Variants in ETNK1 observed in about 807,000 individuals in gnomAD.
ETNK1 encodes the protein ethanolamine kinase 1.
In ETNK1, 8 loss-of-function variants were observed where a neutral mutation model predicts 45.1. The observed-to-expected ratio is 0.18, with a 90% CI of 0.10 to 0.32. The LOEUF (loss-of-function observed/expected upper bound fraction) is 0.32, where lower values mean the gene tolerates loss of function less well. Ranked by LOEUF, ETNK1 falls within the 10% of genes least tolerant of loss-of-function variation. ETNK1 has a pLI of 1.00. For missense variants in ETNK1, 302 were observed against 430.6 expected (o/e 0.70, Z 2.64); for synonymous variants, 152 against 151.9 (o/e 1.00, Z -0.01).
At chr12:22,654,425 A>C (rs1454672079) in intron 2 of ETNK1, among the ~76,000 whole-genome samples, 3 of 152,222 alleles carry the variant, frequency 2.0e-5, no homozygotes, top group Non-Finnish European at 2.9e-5. Context: ...TTGTATAAGA[A>C]AACATTACTT....
chr12:22,642,303 A>G (rs148194708), intron 1 of ETNK1, among the ~76,000 whole-genome samples: 449 of 152,218 alleles, frequency 2.9e-3, no homozygotes, highest in South Asian at 7.9e-3. Context: ...GTGATAAGAA[A>G]TAACATGTTT....
rs1353192559 is a variant in ETNK1, at chr12:22,688,962, C to G, written c.*4008C>G. 1 of 151,764 alleles carries G rather than the reference C, an allele frequency of 6.6e-6. No homozygotes were observed. Among genetic ancestry groups the G allele is most frequent in the Non-Finnish European group, 1.5e-5 (1 of 67,768 alleles). 9.4% of individuals were successfully genotyped at this position (151,764 alleles called of 1,614,324 possible). A position where few individuals can be genotyped will look rare whatever the true frequency, so the allele number is the denominator to read the frequency against. Reference sequence around the variant, plus strand: ...CACTTGTGTGATTCCAGTGTCATGTCTTGGGTTTGATGTCGTTGGACAGAA... The same window carrying G: ...CACTTGTGTGATTCCAGTGTCATGTGTTGGGTTTGATGTCGTTGGACAGAA... On this transcript the variant is annotated 3_prime_UTR_variant, in exon 8 of 8. Transcript: ENST00000266517.
chr12:22,672,286 C>G (rs556728919), intron 5 of ETNK1, among the ~76,000 whole-genome samples: 1 of 152,104 alleles, frequency 6.6e-6, no homozygotes, highest in South Asian at 2.1e-4. Context: ...ACACGAAATG[C>G]TCTAAAAACT....
chr12:22,660,894 A>T (rs1302171913), intron 3 of ETNK1, among the ~76,000 whole-genome samples, 169 bp from the exon 4 acceptor site: 1 of 152,130 alleles, frequency 6.6e-6, no homozygotes, highest in Admixed American at 6.5e-5. Context: ...TAAACTTACT[A>T]TATAGGTTTT....
At chr12:22,667,550 A>G (rs958189030) in intron 4 of ETNK1, among the ~76,000 whole-genome samples, 1 of 152,176 alleles carries the variant, frequency 6.6e-6, no homozygotes, top group Non-Finnish European at 1.5e-5. Flanking sequence ...ACCAGCGTGA[A>G]GATTAAAGGG....
intron 3 of ETNK1, among the ~76,000 whole-genome samples, chr12:22,660,439 G>A (rs191975416): frequency 2.3e-4 from 35 of 152,140 alleles, no homozygotes; most frequent in East Asian, 7.7e-4. Flanking sequence ...ACAAAAAGTC[G>A]CGATTTCTAG....
At chr12:22,653,760 C>G (rs543574718) in intron 2 of ETNK1, among the ~76,000 whole-genome samples, 2 of 152,032 alleles carry the variant, frequency 1.3e-5, no homozygotes, top group African/African-American at 4.8e-5. Flanking sequence ...TAAAATCATT[C>G]TTTACAAATT....
intron 4 of ETNK1, among the ~76,000 whole-genome samples, chr12:22,668,864 T>C (rs1390209792): frequency 6.6e-6 from 1 of 152,238 alleles, no homozygotes; most frequent in Non-Finnish European, 1.5e-5. Flanking sequence ...ATTTTAACTT[T>C]TGTTAAAATG....
At chr12:22,627,768 T>C (rs903638669) in intron 1 of ETNK1, among the ~76,000 whole-genome samples, 9 of 152,120 alleles carry the variant, frequency 5.9e-5, no homozygotes, top group African/African-American at 1.7e-4. Flanking sequence ...TCAGTTTTTT[T>C]CTAACATTTT....
At chr12:22,632,768 C>T (rs536165475) in intron 1 of ETNK1, among the ~76,000 whole-genome samples, 103 of 152,276 alleles carry the variant, frequency 6.8e-4, no homozygotes, top group Middle Eastern at 3.4e-3. Context: ...TCCCAAAGTG[C>T]TGGGATTACA....
chr12:22,677,694 T>G (rs1027838079), intron 6 of ETNK1, among the ~76,000 whole-genome samples: 2 of 152,118 alleles, frequency 1.3e-5, no homozygotes, highest in African/African-American at 4.8e-5. Flanking sequence ...TGATCAGTGG[T>G]TTTGTAGTTC....
Position 22,668,527 on chromosome 12 carries a change from T to A in ETNK1, c.701-2745T>A, listed in dbSNP as rs568184798. Among the ~76,000 whole-genome samples, 334 of 152,264 alleles carry A rather than the reference T, an allele frequency of 2.2e-3. 1 individual carries two copies. Among genetic ancestry groups the A allele is most frequent in the Non-Finnish European group, 3.5e-3 (239 of 68,008 alleles). ...GAATAGTTAATGCAGATTTTTTTTT[T>A]AAATTTTTTTCCTTTTAAGCTTTGT... On this transcript the variant is annotated intron_variant, in intron 4 of 7. Transcript: ENST00000266517.
chr12:22,654,019 A>G (rs1018702743), intron 2 of ETNK1, among the ~76,000 whole-genome samples: 4 of 152,192 alleles, frequency 2.6e-5, no homozygotes, highest in African/African-American at 7.2e-5. Context: ...CCTGATTCCA[A>G]TGAAATAGTA....
At chr12:22,670,969 A>G (rs1954101760) in intron 4 of ETNK1, 2 of 267,156 alleles carry the variant, frequency 7.5e-6, no homozygotes, top group Admixed American at 5.8e-5. Flanking sequence ...TGATGCCCCC[A>G]TGTGGCAAAG....
chr12:22,656,632 G>C (rs1334125196), intron 2 of ETNK1: 2 of 985,186 alleles, frequency 2.0e-6, no homozygotes, highest in Non-Finnish European at 1.2e-6. Context: ...ATCCAGCATG[G>C]AGCAGACGAG....
At chr12:22,676,856 GTT>G (rs200034330) in intron 6 of ETNK1, among the ~76,000 whole-genome samples, 9,930 of 148,306 alleles carry the variant, frequency 0.067, 455 homozygotes, top group South Asian at 0.14. Context: ...GTTTTGATGG[GTT>G]TTTTTTTTCT....
intron 1 of ETNK1, among the ~76,000 whole-genome samples, chr12:22,634,258 T>G (rs753995314): frequency 2.0e-5 from 3 of 152,144 alleles, no homozygotes; most frequent in Non-Finnish European, 4.4e-5. Flanking sequence ...AAAAAAAATT[T>G]GAATGCTAAG....
intron 2 of ETNK1, among the ~76,000 whole-genome samples, chr12:22,658,364 TG>T (rs1222412727): frequency 2.6e-5 from 4 of 152,196 alleles, no homozygotes; most frequent in African/African-American, 9.6e-5. Flanking sequence ...CCAGCTTCAG[TG>T]TATGTTCAGT....
intron 2 of ETNK1, among the ~76,000 whole-genome samples, chr12:22,657,794 G>C (rs1953959929): frequency 6.6e-6 from 1 of 152,100 alleles, no homozygotes; most frequent in South Asian, 2.1e-4. Flanking sequence ...GATCAGCTCT[G>C]TAGTAATGAC....
Sources: gnomAD v4.1 joint callset for allele counts (sites outside exome capture counted in the v4.1 genomes callset) on GRCh38, gnomAD v4.1.1 for gene constraint, MANE v1.5 for transcripts, NCBI Gene and HGNC (gene_info 2026-07-23, HGNC 2026-07-21) for gene names.